Variants in ZBTB7C observed in about 807,000 individuals in gnomAD.
ZBTB7C encodes zinc finger and BTB domain-containing protein 7C.
In ZBTB7C, 8 loss-of-function variants were observed where a neutral mutation model predicts 25.7. The ratio of observed to expected loss-of-function variants is 0.31; its 90% CI spans 0.18 to 0.56. ZBTB7C has a LOEUF of 0.56. Among genes scored for constraint, ZBTB7C ranks in the 20% least tolerant of loss-of-function variants. The pLI is 0.91. For synonymous variants in ZBTB7C, 394 were observed against 369.0 expected (o/e 1.07, Z -0.78); for missense variants, 824 against 855.2 (o/e 0.96, Z 0.46).
intron 3 of ZBTB7C, among the ~76,000 whole-genome samples, chr18:48,134,450 T>C (rs2040084869): frequency 6.6e-6 from 1 of 152,094 alleles, no homozygotes; most frequent in South Asian, 2.1e-4. Context: ...TAAGTGGAGA[T>C]GTAAGTGGAT....
At chr18:48,258,901 C>G (rs1453891106) in intron 2 of ZBTB7C, among the ~76,000 whole-genome samples, 2 of 152,168 alleles carry the variant, frequency 1.3e-5, no homozygotes, top group Non-Finnish European at 2.9e-5. Flanking sequence ...AGGTTATCAG[C>G]CTGCCTCAGC....
intron 1 of ZBTB7C, among the ~76,000 whole-genome samples, chr18:48,355,755 C>T (rs2046964202): frequency 6.6e-6 from 1 of 152,204 alleles, no homozygotes; most frequent in South Asian, 2.1e-4. Context: ...TGCAACCTTC[C>T]TCTTCTCAAT....
intron 3 of ZBTB7C, among the ~76,000 whole-genome samples, chr18:48,175,177 T>C (rs1465214722): frequency 6.6e-6 from 1 of 152,234 alleles, no homozygotes; most frequent in African/African-American, 2.4e-5. Context: ...TTCAAATAAA[T>C]ACTATAACCA....
chr18:48,376,821 A>G (rs1336493773), intron 1 of ZBTB7C, among the ~76,000 whole-genome samples: 1 of 152,202 alleles, frequency 6.6e-6, no homozygotes, highest in Non-Finnish European at 1.5e-5. Context: ...GGCATCAATT[A>G]GAGAGTAATG....
rs555560172 is a variant in ZBTB7C, at chr18:48,056,431, C to T, written c.-16-15308G>A. Among the ~76,000 whole-genome samples the T allele has an allele frequency of 3.3e-5, 5 of 152,192 alleles. 1 individual carries two copies. In the South Asian group the frequency reaches 1.0e-3, roughly 32 times the overall value. ...AGGAATAGCCAAGAAATTTTTGAAACAGATGAGTAACAGAAGTAGGGGGAC... is the reference window on the plus strand; with the variant it reads ...AGGAATAGCCAAGAAATTTTTGAAATAGATGAGTAACAGAAGTAGGGGGAC... On this transcript the variant is annotated intron_variant, in intron 3 of 4. Transcript: ENST00000590800.
At chr18:48,307,462 C>G (rs2045702449) in intron 2 of ZBTB7C, among the ~76,000 whole-genome samples, 1 of 152,210 alleles carries the variant, frequency 6.6e-6, no homozygotes, top group Non-Finnish European at 1.5e-5. Context: ...TACCAAGTCC[C>G]AGACTCTTAG....
At chr18:48,274,369 T>A (rs964635366) in intron 2 of ZBTB7C, among the ~76,000 whole-genome samples, 1 of 152,182 alleles carries the variant, frequency 6.6e-6, no homozygotes, top group African/African-American at 2.4e-5. Context: ...GGGGACAGCA[T>A]TATGACAGCA....
intron 2 of ZBTB7C, among the ~76,000 whole-genome samples, chr18:48,253,107 T>A (rs1271705315): frequency 6.6e-6 from 1 of 152,030 alleles, no homozygotes; most frequent in African/African-American, 2.4e-5. Flanking sequence ...GAGCTGGCCC[T>A]TTAAGGATGG....
intron 2 of ZBTB7C, among the ~76,000 whole-genome samples, chr18:48,210,297 T>A (rs2042673028): frequency 6.6e-6 from 1 of 152,120 alleles, no homozygotes; most frequent in Non-Finnish European, 1.5e-5. Context: ...TACCATATGA[T>A]CCAGAAATTT....
chr18:48,294,502 C>T (rs989130159), intron 2 of ZBTB7C, among the ~76,000 whole-genome samples: 1 of 152,164 alleles, frequency 6.6e-6, no homozygotes, highest in Non-Finnish European at 1.5e-5. Context: ...AGTGCAATTC[C>T]CAGCTGTCCC....
intron 2 of ZBTB7C, among the ~76,000 whole-genome samples, chr18:48,238,236 C>T (rs2043430862): frequency 6.6e-6 from 1 of 152,098 alleles, no homozygotes; most frequent in Admixed American, 6.5e-5. Flanking sequence ...TTAAACTGTG[C>T]ATATAAGTGT....
intron 2 of ZBTB7C, among the ~76,000 whole-genome samples, chr18:48,299,356 T>C (rs1183350025): frequency 6.6e-6 from 1 of 152,236 alleles, no homozygotes; most frequent in African/African-American, 2.4e-5. Flanking sequence ...TGACATTCTG[T>C]GGATTCTTCA....
chr18:48,389,477 T>G (rs1419961575), intron 1 of ZBTB7C, among the ~76,000 whole-genome samples: 8 of 150,198 alleles, frequency 5.3e-5, no homozygotes, highest in Admixed American at 5.3e-4. Flanking sequence ...TTTTTTTTTT[T>G]TTTTTGCATT....
intron 2 of ZBTB7C, among the ~76,000 whole-genome samples, chr18:48,239,772 G>A (rs897228093): frequency 1.5e-4 from 23 of 152,104 alleles, no homozygotes; most frequent in African/African-American, 4.6e-4. Flanking sequence ...ATAAGAAACC[G>A]GAAAAGTAAT....
At chr18:48,212,552 G>A (rs1442445197) in intron 2 of ZBTB7C, among the ~76,000 whole-genome samples, 1 of 152,076 alleles carries the variant, frequency 6.6e-6, no homozygotes, top group Non-Finnish European at 1.5e-5. Context: ...GGCCAGGGGG[G>A]ATGTCAATAA....
At chr18:48,245,494 C>CAAAAAAAAAAAAAA (rs5824738) in intron 2 of ZBTB7C, among the ~76,000 whole-genome samples, 1 of 132,912 alleles carries the variant, frequency 7.5e-6, no homozygotes, top group Non-Finnish European at 1.6e-5. Context: ...ATCAAGACAC[C>CAAAAAAAAAAAAAA]AAAAAAAAAA....
intron 2 of ZBTB7C, among the ~76,000 whole-genome samples, chr18:48,244,198 G>A (rs530808518): frequency 4.6e-5 from 7 of 152,238 alleles, no homozygotes; most frequent in South Asian, 2.1e-4. Flanking sequence ...GGTGGATCAC[G>A]AGGTCAGGAG....
At chr18:48,124,243 C>T (rs957110130) in intron 3 of ZBTB7C, among the ~76,000 whole-genome samples, 1 of 152,216 alleles carries the variant, frequency 6.6e-6, no homozygotes, top group Non-Finnish European at 1.5e-5. Flanking sequence ...CTGACTGCAA[C>T]CCTCAGGCAA....
At chr18:48,349,951 C>T (rs1202807577) in intron 1 of ZBTB7C, among the ~76,000 whole-genome samples, 1 of 152,244 alleles carries the variant, frequency 6.6e-6, no homozygotes. Context: ...CCTTCATAAA[C>T]AGGGCTATGT....
Sources: allele counts gnomAD v4.1 joint callset (sites outside exome capture counted in the v4.1 genomes callset), GRCh38; gene constraint gnomAD v4.1.1; transcripts MANE v1.5; gene names NCBI Gene and HGNC (gene_info 2026-07-23, HGNC 2026-07-21).